BCAR1: variants seen among roughly 807,000 people sequenced by gnomAD.
BCAR1 encodes the protein BCAR1 scaffold protein, Cas family member, also known as breast cancer anti-estrogen resistance protein 1.
In BCAR1, 30 loss-of-function variants were observed where a neutral mutation model predicts 67.6. The observed-to-expected ratio is 0.44, with a 90% CI of 0.33 to 0.60. BCAR1 has a LOEUF of 0.60. Among genes scored for constraint, BCAR1 ranks in the 20% least tolerant of loss-of-function variants. BCAR1 has a pLI of 0.02. For missense variants in BCAR1, 1,313 were observed against 1,222.3 expected, an observed-to-expected ratio of 1.07 and a Z score of -1.11; for synonymous variants, 626 against 556.7, an observed-to-expected ratio of 1.12 and a Z score of -1.75.
In BCAR1 at chr16:75,237,211, C is replaced by T. The variant is rs1378056585; in HGVS notation, c.767G>A (p.Gly256Glu). The change falls in exon 3 of 7, where the codon GGG becomes GAG. Residue 256 changes from glycine to glutamate, a missense_variant. This residue lies in a region of BCAR1 where 1,272 missense variants were observed against 1,137.5 expected (regional missense o/e 1.12). Coordinates refer to ENST00000162330, the MANE Select transcript of BCAR1 (RefSeq NM_014567.5). ...CTGGCCATACTGGCTGGGAAGCAGC[C>T]CCCGAACCGGGGGCACATCATAGAT... ...QDIYDVPPVRGLLPSQYGQEV... is the reference protein window; with the variant it reads ...QDIYDVPPVRELLPSQYGQEV... 1.9e-6 allele frequency: 3 copies of T among 1,569,358 alleles called. No homozygotes were observed. Among genetic ancestry groups the T allele is most frequent in the Non-Finnish European group, 2.6e-6 (3 of 1,160,136 alleles).
intron 1 of BCAR1, 134 bp from the exon 2 acceptor site, chr16:75,243,224 T>G: frequency 1.0e-6 from 1 of 954,550 alleles, no homozygotes; most frequent in Non-Finnish European, 1.5e-6. Flanking sequence ...TTTGGCGAGA[T>G]CATTGTGCCT....
upstream of BCAR1, chr16:75,256,084 A>G (rs1254837385): frequency 1.3e-5 from 2 of 152,338 alleles, no homozygotes; most frequent in Non-Finnish European, 2.9e-5. Context: ...GACAGCCCAC[A>G]CCCCAACACC....
rs776807901 is a variant in BCAR1 at position 75,236,906 on chromosome 16, G to C, written c.888C>G (p.Gly296=). The stretch of plus-strand genomic sequence containing the variant: ...CTGCGTGGTGGTTGGACGGTGGCAG[G>C]CCCTTCTCCACACTGGGGGGCACGT... The part of the protein sequence containing the change: ...VYDVPPSVEK[G]LPPSNHHAVY... The change falls in exon 4 of 7, where the codon GGC becomes GGG. Residue 296 remains glycine (G), a synonymous_variant. Coordinates refer to ENST00000162330, the MANE Select transcript of BCAR1 (RefSeq NM_014567.5). 30 of 1,612,410 alleles carry C rather than the reference G, an allele frequency of 1.9e-5. No individual in the cohort carries two copies. Among genetic ancestry groups the C allele is most frequent in the Non-Finnish European group, 2.3e-5 (27 of 1,179,386 alleles).
rs1022696697 is a variant in BCAR1, at chr16:75,229,388, A to G, written c.*123T>C. The G allele has an allele frequency of 2.9e-5, 39 of 1,341,538 alleles. No individual in the cohort carries two copies. In the African/African-American group the frequency reaches 5.3e-4, roughly 18 times the overall value. 83.1% of individuals were successfully genotyped at this position (1,341,538 alleles called of 1,614,324 possible). ...ATACAGATTCCTGGGCATCCAGGGC[A>G]CCAGGACCGACGCAGAGCTGGGGTC... On this transcript the variant is annotated 3_prime_UTR_variant, in exon 7 of 7. Transcript: ENST00000162330.
rs527416361 is a variant in BCAR1 at position 75,241,137 on chromosome 16, C to T, written c.633+1333G>A. ...GGTGCACACGCTTTGTATGTGTGGA[C>T]GTACACGTGTCTGTGTGTGGGGTGA... On this transcript the variant is annotated intron_variant, in intron 2 of 6. Transcript: ENST00000162330. 2.6e-4 allele frequency among the ~76,000 whole-genome samples: 39 copies of T among 152,270 alleles called. 2 individuals carry two copies. Among genetic ancestry groups the T allele is most frequent in the African/African-American group, 8.7e-4 (36 of 41,540 alleles).
At chr16:75,265,716 C>T in intron 1 of BCAR1, 2 of 1,160,180 alleles carry the variant, frequency 1.7e-6, no homozygotes, top group Non-Finnish European at 2.1e-6. Context: ...CCCAGTGAGG[C>T]GACCCCCAGT....
Position 75,235,554 on chromosome 16 carries a change from G to A in BCAR1, c.1345C>T (p.Pro449Ser). ...TCCAGCTCCAGGGGTTCCCGGCCCGGCCCTGCCACCTCCAAGGAGGACGCA... is the reference window on the plus strand; with the variant it reads ...TCCAGCTCCAGGGGTTCCCGGCCCGACCCTGCCACCTCCAAGGAGGACGCA... ...QSASSLEVAG[P>S]GREPLELEVA... The change falls in exon 5 of 7, where the codon CCG (proline) becomes TCG (serine). Residue 449 changes from proline (P) to serine (S), a missense_variant. This residue lies in a region of BCAR1 where 1,272 missense variants were observed against 1,137.5 expected (regional missense o/e 1.12). Transcript: ENST00000162330. 1 of 1,594,428 alleles carries A rather than the reference G, an allele frequency of 6.3e-7. No individual in the cohort carries two copies. The highest frequency in any genetic ancestry group is 1.8e-5 in the Admixed American group (1 of 56,762).
chr16:75,237,498 G>T, intron 2 of BCAR1, 154 bp from the exon 3 acceptor site: 1 of 911,136 alleles, frequency 1.1e-6, no homozygotes, highest in Non-Finnish European at 1.5e-6. Flanking sequence ...CACCCCCTCT[G>T]CACCATCTGA....
intron 1 of BCAR1, chr16:75,263,127 C>G: frequency 1.2e-6 from 1 of 861,608 alleles, no homozygotes; most frequent in Non-Finnish European, 1.4e-6. Context: ...CTGAAAGGAG[C>G]CATCCCTCAA....
Position 75,236,881 on chromosome 16 carries a change from C to G in BCAR1, c.912+1G>C. ...CTGGCATTGCCCTGGCATTTGCTCA[C>G]TGCGTGGTGGTTGGACGGTGGCAGG... On this transcript the variant is annotated splice_donor_variant, in intron 4 of 6. Transcript: ENST00000162330. LOFTEE classifies it high-confidence loss of function. The G allele has an allele frequency of 3.1e-6, 5 of 1,612,344 alleles. No homozygotes were observed. The highest frequency in any genetic ancestry group is 4.2e-6 in the Non-Finnish European group (5 of 1,179,284).
At chr16:75,245,379 G>T (rs1358455706) in intron 1 of BCAR1, among the ~76,000 whole-genome samples, 1 of 152,220 alleles carries the variant, frequency 6.6e-6, no homozygotes, top group Non-Finnish European at 1.5e-5. Flanking sequence ...TTAGACAGAG[G>T]GGACCGCCCC....
intron 1 of BCAR1, chr16:75,249,316 C>A (rs2077608784): frequency 6.6e-6 from 1 of 152,250 alleles, no homozygotes; most frequent in Admixed American, 6.5e-5. Context: ...GCTAGACCCA[C>A]CCCTCCACCC....
In BCAR1 at chr16:75,251,092, G is replaced by A. The variant is rs111841419; in HGVS notation, c.12+379C>T. The A allele has an allele frequency of 5.1e-3, 3,260 of 633,802 alleles. 105 individuals are homozygous for A. The African/African-American group carries it at 0.057, about 11-fold the overall frequency. The allele number at this position is 633,802 out of a possible 1,614,324, so 39.3% of individuals were successfully genotyped here. ...ACACCAGCCGGACCACCCGCCAGAG[G>A]CTCAACGGCCCCTCCTCGCAGCCGA... On this transcript the variant is annotated intron_variant, in intron 1 of 6. Transcript: ENST00000162330.
chr16:75,231,489 G>C (rs571199626), intron 6 of BCAR1, among the ~76,000 whole-genome samples: 1 of 152,304 alleles, frequency 6.6e-6, no homozygotes, highest in South Asian at 2.1e-4. Flanking sequence ...TGTGGGTGGA[G>C]ATTTCAGATT....
intron 1 of BCAR1, among the ~76,000 whole-genome samples, chr16:75,260,691 C>T (rs4493083): frequency 0.44 from 65,352 of 150,128 alleles, 16,018 homozygotes; most frequent in Admixed American, 0.6. Context: ...CATTTCACGA[C>T]ATGTAAAATT....
intron 1 of BCAR1, among the ~76,000 whole-genome samples, chr16:75,257,018 G>C (rs113907017): frequency 0.034 from 5,162 of 152,156 alleles, 128 homozygotes; most frequent in Middle Eastern, 0.12. Flanking sequence ...GCCTGGGGGA[G>C]GGGGAAGAGA....
chr16:75,247,193 C>A, intron 1 of BCAR1: 1 of 153,702 alleles, frequency 6.5e-6, no homozygotes. Context: ...AAGTCTACCT[C>A]CTTCAGAAGG....
In BCAR1 at chr16:75,229,772, G is replaced by A. The variant is rs370908192; in HGVS notation, c.2352C>T (p.Phe784=). ...PPKIFVAHSK[F]VILSAHKLVF... ...CCAGCTTGTGGGCGCTGAGGATGAC[G>A]AACTTGCTGTGCGCCACAAAGATCT... The change falls in exon 7 of 7, where the codon TTC becomes TTT. Residue 784 remains phenylalanine, a synonymous_variant. Transcript: ENST00000162330. The A allele has an allele frequency of 1.1e-4, 170 of 1,613,480 alleles. No individual in the cohort carries two copies. The highest frequency in any genetic ancestry group is 1.3e-4 in the Non-Finnish European group (159 of 1,180,008).
intron 1 of BCAR1, among the ~76,000 whole-genome samples, chr16:75,245,488 C>A (rs2077485782): frequency 6.6e-6 from 1 of 151,948 alleles, no homozygotes; most frequent in Admixed American, 6.6e-5. Flanking sequence ...GGAGCACAGG[C>A]AGGGAGGCCG....
Sources: allele counts gnomAD v4.1 joint callset (sites outside exome capture counted in the v4.1 genomes callset), GRCh38; gene constraint gnomAD v4.1.1; regional missense constraint gnomAD v4.1.1; transcripts MANE v1.5; gene names NCBI Gene and HGNC (gene_info 2026-07-23, HGNC 2026-07-21).